Variants in PRKG1 observed in about 807,000 individuals in gnomAD.
PRKG1 encodes the protein protein kinase cGMP-dependent 1, also known as cGMP-dependent protein kinase 1.
In PRKG1, 35 loss-of-function variants were observed where a neutral mutation model predicts 88.1. The ratio of observed to expected loss-of-function variants is 0.40; its 90% CI spans 0.30 to 0.53. The LOEUF is 0.53. Ranked by LOEUF, PRKG1 falls within the 20% of genes least tolerant of loss-of-function variation. The pLI, the probability that PRKG1 is intolerant of heterozygous loss-of-function variation, is 0.59. For synonymous variants in PRKG1, 303 were observed against 292.5 expected (o/e 1.04, Z -0.37); for missense variants, 540 against 839.8 (o/e 0.64, Z 4.41).
rs558699730 is a variant in PRKG1 at position 52,142,372 on chromosome 10, G to A, written c.1001+8467G>A. ...TTTATGCTCAGTGCTATGATATATA[G>A]GGATGTCTAAAAAGAGTTTCCTTCA... On this transcript the variant is annotated intron_variant, in intron 8 of 17. Transcript: ENST00000373980. Among the ~76,000 whole-genome samples the A allele has an allele frequency of 6.6e-5, 10 of 152,184 alleles. No homozygotes were observed. In the South Asian group the frequency reaches 1.9e-3, roughly 28 times the overall value.
chr10:52,007,643 A>G (rs1016405669), intron 5 of PRKG1, among the ~76,000 whole-genome samples: 16 of 152,202 alleles, frequency 1.1e-4, no homozygotes, highest in African/African-American at 3.1e-4. Context: ...TTAGAGACTT[A>G]TGAAGAGATG....
In PRKG1 at chr10:52,245,589, A is replaced by G. The variant is rs147435484; in HGVS notation, c.1077-5981A>G. Among the ~76,000 whole-genome samples the G allele has an allele frequency of 7.1e-3, 1,079 of 152,162 alleles. 12 individuals carry two copies. Among genetic ancestry groups the G allele is most frequent in the African/African-American group, 0.025 (1,021 of 41,542 alleles). The stretch of plus-strand genomic sequence containing the variant: ...TAAGAAATAAACTCAGTCATACATG[A>G]CAGTTCATGTGTGTTTACTAAAACA... On this transcript the variant is annotated intron_variant, in intron 9 of 17. Transcript: ENST00000373980.
At chr10:51,654,099 C>T (rs951988511) in intron 3 of PRKG1, among the ~76,000 whole-genome samples, 6 of 151,862 alleles carry the variant, frequency 4.0e-5, no homozygotes, top group African/African-American at 1.5e-4. Context: ...AAAATCACTG[C>T]CCAGATCAAT....
At chr10:52,004,302 G>T (rs201196975) in intron 5 of PRKG1, among the ~76,000 whole-genome samples, 2 of 152,158 alleles carry the variant, frequency 1.3e-5, no homozygotes, top group East Asian at 3.8e-4. Context: ...TTAGAAGAAA[G>T]AAGGAAGGCA....
intron 1 of PRKG1, among the ~76,000 whole-genome samples, chr10:51,115,097 C>T (rs969874895): frequency 4.6e-5 from 7 of 151,484 alleles, no homozygotes; most frequent in East Asian, 3.9e-4. Flanking sequence ...GGGCAGATCA[C>T]GAGGTCAGGA....
rs906534749 is a variant in PRKG1 at position 51,041,164 on chromosome 10, A to C, written c.266+49520A>C. Among the ~76,000 whole-genome samples, 5 of 151,980 alleles carry C rather than the reference A, an allele frequency of 3.3e-5. No individual in the cohort carries two copies. The East Asian group carries it at 9.7e-4, about 30-fold the overall frequency. On this transcript the variant is annotated intron_variant, in intron 1 of 17. Transcript: ENST00000401604. Reference sequence around the variant, plus strand: ...CTGATGTTCATTCAAGGCCCAAGGGATCTTCAATCAGCTTGTGGTGAATGA... The same window carrying C: ...CTGATGTTCATTCAAGGCCCAAGGGCTCTTCAATCAGCTTGTGGTGAATGA...
intron 2 of PRKG1, among the ~76,000 whole-genome samples, chr10:51,374,093 A>AAAAAAAAAATATATATATATATATAT: frequency 1.0e-5 from 1 of 100,144 alleles, no homozygotes; most frequent in African/African-American, 3.4e-5. Flanking sequence ...AAAAAAAAAA[A>AAAAAAAAAATATATATATATATATAT]ATATATATAT....
chr10:51,023,800 C>A (rs1332398374), intron 1 of PRKG1, among the ~76,000 whole-genome samples: 1 of 152,142 alleles, frequency 6.6e-6, no homozygotes, highest in Non-Finnish European at 1.5e-5. Flanking sequence ...ATTTAGATAA[C>A]CCTGGTTATG....
chr10:52,010,575 T>G (rs1844855223), intron 5 of PRKG1, among the ~76,000 whole-genome samples: 1 of 152,096 alleles, frequency 6.6e-6, no homozygotes, highest in African/African-American at 2.4e-5. Context: ...AATACACCCA[T>G]GTAACAAACC....
intron 3 of PRKG1, among the ~76,000 whole-genome samples, chr10:51,788,821 G>GA (rs1169955014): frequency 6.6e-6 from 1 of 152,144 alleles, no homozygotes; most frequent in Non-Finnish European, 1.5e-5. Context: ...AGCTCTGCAG[G>GA]AGAGTTACAG....
intron 1 of PRKG1, among the ~76,000 whole-genome samples, chr10:51,151,983 T>G (rs939174661): frequency 6.6e-6 from 1 of 152,022 alleles, no homozygotes; most frequent in Non-Finnish European, 1.5e-5. Context: ...TTTTTAAAAA[T>G]TAAGACTTTT....
At chr10:51,878,197 T>C (rs906719140) in intron 4 of PRKG1, among the ~76,000 whole-genome samples, 3 of 151,732 alleles carry the variant, frequency 2.0e-5, no homozygotes, top group Admixed American at 2.0e-4. Context: ...TATATATAAA[T>C]ATAAAGCAAT....
At chr10:51,866,509 A>G (rs1841018898) in intron 4 of PRKG1, among the ~76,000 whole-genome samples, 1 of 152,126 alleles carries the variant, frequency 6.6e-6, no homozygotes, top group African/African-American at 2.4e-5. Flanking sequence ...GCTTTCTGTA[A>G]TAGAAAGCTT....
chr10:51,396,572 C>T (rs900718661), intron 2 of PRKG1, among the ~76,000 whole-genome samples: 5 of 152,162 alleles, frequency 3.3e-5, no homozygotes, highest in African/African-American at 9.7e-5. Flanking sequence ...TGATGGTTAG[C>T]GCTGTGGACC....
chr10:52,029,615 T>C (rs906473577), intron 5 of PRKG1, among the ~76,000 whole-genome samples: 1 of 152,206 alleles, frequency 6.6e-6, no homozygotes, highest in Non-Finnish European at 1.5e-5. Context: ...CTTTAGTGCC[T>C]GGTACTTGAC....
At chr10:51,847,840 TAAAAAAAAAA>T (rs766423513) in intron 4 of PRKG1, among the ~76,000 whole-genome samples, 384 of 35,122 alleles carry the variant, frequency 0.011, 4 homozygotes, top group African/African-American at 0.033. Flanking sequence ...AAGACTCTGT[TAAAAAAAAAA>T]AAAAAAAAAA....
chr10:51,156,024 C>T (rs1013639159), intron 2 of PRKG1, among the ~76,000 whole-genome samples: 4 of 151,782 alleles, frequency 2.6e-5, no homozygotes, highest in African/African-American at 9.7e-5. Context: ...CTTCTTAAAC[C>T]ATATTTAATT....
At chr10:51,845,940 G>T (rs1840387138) in intron 4 of PRKG1, among the ~76,000 whole-genome samples, 1 of 151,334 alleles carries the variant, frequency 6.6e-6, no homozygotes, top group Non-Finnish European at 1.5e-5. Context: ...CTGATTGAGT[G>T]TTTCTTAGAA....
chr10:51,216,039 A>G (rs1838362984), intron 2 of PRKG1, among the ~76,000 whole-genome samples: 1 of 152,258 alleles, frequency 6.6e-6, no homozygotes, highest in Admixed American at 6.5e-5. Context: ...GCCCTGAGGT[A>G]GAACTGTGTT....
Sources: gnomAD v4.1 joint callset for allele counts (sites outside exome capture counted in the v4.1 genomes callset) on GRCh38, gnomAD v4.1.1 for gene constraint, MANE v1.5 for transcripts, NCBI Gene and HGNC (gene_info 2026-07-23, HGNC 2026-07-21) for gene names.